Variants in STK38 observed in about 807,000 individuals in gnomAD.
The protein encoded by STK38 is serine/threonine-protein kinase 38.
STK38 carries 26 observed loss-of-function variants against 59.0 expected under a neutral mutation model. That is an observed-to-expected ratio of 0.44 (90% CI 0.32 to 0.61). The LOEUF is 0.61. Among genes scored for constraint, STK38 ranks in the 20% least tolerant of loss-of-function variants. The probability of loss-of-function intolerance (pLI) is 0.04; values close to 1 mark genes in which losing one functional copy is unlikely to be tolerated. For synonymous variants in STK38, 175 were observed against 176.6 expected (o/e 0.99, Z 0.07); for missense variants, 433 against 566.0 (o/e 0.76, Z 2.38).
chr6:36,531,277 CTTTG>C (rs757135934), intron 2 of STK38, among the ~76,000 whole-genome samples: 4 of 152,172 alleles, frequency 2.6e-5, no homozygotes, highest in South Asian at 4.1e-4. Context: ...GTATGAAAGA[CTTTG>C]TTTGATTTGG....
chr6:36,498,330 T>A (rs767808011), intron 11 of STK38, 33 bp downstream of exon 11: 3 of 1,580,714 alleles, frequency 1.9e-6, no homozygotes. Context: ...ATTAAAAAGC[T>A]GAGAAAGAAG....
intron 2 of STK38, among the ~76,000 whole-genome samples, chr6:36,532,465 C>G (rs1777688476): frequency 6.6e-6 from 1 of 152,086 alleles, no homozygotes; most frequent in South Asian, 2.1e-4. Context: ...CCAAAACCTA[C>G]TAGCAGCTCA....
At chr6:36,511,921 T>C (rs1777120378) in intron 7 of STK38, among the ~76,000 whole-genome samples, 1 of 151,678 alleles carries the variant, frequency 6.6e-6, no homozygotes. Context: ...TAGCTGGACA[T>C]GGTGGTGCAC....
intron 2 of STK38, among the ~76,000 whole-genome samples, chr6:36,533,555 T>A (rs529950630): frequency 6.6e-6 from 1 of 152,332 alleles, no homozygotes; most frequent in South Asian, 2.1e-4. Flanking sequence ...TGCAAAGCAC[T>A]GCTGTCTGCT....
At chr6:36,532,869 A>G (rs892095302) in intron 2 of STK38, among the ~76,000 whole-genome samples, 3 of 152,044 alleles carry the variant, frequency 2.0e-5, no homozygotes, top group African/African-American at 7.2e-5. Flanking sequence ...ATTGCACTCT[A>G]GCCTGGGCAA....
At chr6:36,532,307 CATAAAA>C (rs1777683969) in intron 2 of STK38, among the ~76,000 whole-genome samples, 2 of 103,556 alleles carry the variant, frequency 1.9e-5, no homozygotes, top group Non-Finnish European at 1.9e-5. Flanking sequence ...ACCTTGTCTG[CATAAAA>C]AAAAAAAAAA....
chr6:36,526,386 C>G (rs1410444043), intron 2 of STK38, among the ~76,000 whole-genome samples: 1 of 152,048 alleles, frequency 6.6e-6, no homozygotes, highest in Non-Finnish European at 1.5e-5. Flanking sequence ...GAAAGGGTAA[C>G]AAACAACAAA....
chr6:36,520,664 T>C (rs3798474), intron 5 of STK38, among the ~76,000 whole-genome samples: 36,212 of 152,074 alleles, frequency 0.24, 4,555 homozygotes, highest in East Asian at 0.39. Context: ...CGGCCTACTA[T>C]GAATTTTGAA....
At chr6:36,531,680 C>T (rs962962553) in intron 2 of STK38, among the ~76,000 whole-genome samples, 2 of 152,204 alleles carry the variant, frequency 1.3e-5, no homozygotes, top group Admixed American at 6.5e-5. Flanking sequence ...TGGCATTCTG[C>T]AGCACTGTGT....
At chr6:36,498,589 C>CTTTTT in intron 10 of STK38, 103 bp from the exon 11 acceptor site, 3 of 935,772 alleles carry the variant, frequency 3.2e-6, no homozygotes, top group Non-Finnish European at 2.9e-6. Context: ...TTTCTTTTTT[C>CTTTTT]TTTTTTTTTT....
intron 2 of STK38, among the ~76,000 whole-genome samples, chr6:36,535,308 C>G (rs10947611): frequency 0.28 from 42,258 of 151,528 alleles, 6,818 homozygotes; most frequent in African/African-American, 0.44. Context: ...AAATTAGCCA[C>G]GGTGGTGGCA....
intron 2 of STK38, among the ~76,000 whole-genome samples, chr6:36,529,426 C>A (rs1017097783): frequency 2.6e-5 from 4 of 152,150 alleles, no homozygotes; most frequent in Non-Finnish European, 2.9e-5. Flanking sequence ...CAGGACTCTC[C>A]ACACAGGCAT....
At chr6:36,513,940 G>A (rs1258272135) in intron 7 of STK38, among the ~76,000 whole-genome samples, 6 of 150,178 alleles carry the variant, frequency 4.0e-5, no homozygotes, top group African/African-American at 1.5e-4. Flanking sequence ...CAGATCACAA[G>A]GTCAGGAGAT....
chr6:36,497,641 A>T, intron 12 of STK38, 139 bp downstream of exon 12: 1 of 678,972 alleles, frequency 1.5e-6, no homozygotes, highest in Non-Finnish European at 2.5e-6. Flanking sequence ...TTCACCATGA[A>T]TGAAAATCAG....
Position 36,503,130 on chromosome 6 carries a change from G to A in STK38, c.835-3140C>T, listed in dbSNP as rs1329046762. ...CTATGACTAGGGGTAGAATTGCAGC[G>A]CTGTAGGGTGTACACATGAATTCTG... On this transcript the variant is annotated intron_variant, in intron 9 of 13. Coordinates refer to ENST00000229812, the MANE Select transcript of STK38 (RefSeq NM_007271.4). Among the ~76,000 whole-genome samples the A allele has an allele frequency of 4.6e-5, 7 of 152,182 alleles. No homozygotes were observed. The East Asian group carries it at 5.8e-4, about 13-fold the overall frequency.
rs112772351 is a variant in STK38, at chr6:36,530,371, C to CT, written c.132-4730dup. Reference sequence around the variant, plus strand: ...AAATTCAGAAAATGTCTAATAAATACTTTTTTTTTTGAGACAAGAGTCTTA... The same window carrying CT: ...AAATTCAGAAAATGTCTAATAAATACTTTTTTTTTTTGAGACAAGAGTCTTA... On this transcript the variant is annotated intron_variant, in intron 2 of 13. Coordinates refer to ENST00000229812, the MANE Select transcript of STK38 (RefSeq NM_007271.4). Among the ~76,000 whole-genome samples the CT allele has an allele frequency of 7.1e-3, 1,046 of 147,860 alleles. 14 individuals carry two copies. Among genetic ancestry groups the CT allele is most frequent in the African/African-American group, 0.023 (928 of 40,390 alleles).
At chr6:36,521,001 A>G (rs1777364342) in intron 5 of STK38, among the ~76,000 whole-genome samples, 1 of 152,188 alleles carries the variant, frequency 6.6e-6, no homozygotes, top group South Asian at 2.1e-4. Flanking sequence ...GTCATCACCC[A>G]CTGCAATCTT....
At chr6:36,531,217 G>T (rs1777658927) in intron 2 of STK38, among the ~76,000 whole-genome samples, 1 of 152,126 alleles carries the variant, frequency 6.6e-6, no homozygotes, top group Non-Finnish European at 1.5e-5. Context: ...AGAAAACATA[G>T]ATGAGAAAAT....
chr6:36,501,342 G>A (rs916992433), intron 9 of STK38, among the ~76,000 whole-genome samples: 5 of 152,086 alleles, frequency 3.3e-5, no homozygotes, highest in African/African-American at 1.2e-4. Flanking sequence ...GCCTCCTAAT[G>A]TACTTAACAT....
Sources: allele counts gnomAD v4.1 joint callset (sites outside exome capture counted in the v4.1 genomes callset), GRCh38; gene constraint gnomAD v4.1.1; transcripts MANE v1.5; gene names NCBI Gene and HGNC (gene_info 2026-07-23, HGNC 2026-07-21).